PLA2R1: variants seen among roughly 807,000 people sequenced by gnomAD.
The protein encoded by PLA2R1 is phospholipase A2 receptor 1, also known as secretory phospholipase A2 receptor.
A neutral mutation model predicts 195.9 loss-of-function variants in PLA2R1; 158 were observed. The ratio of observed to expected loss-of-function variants is 0.81; its 90% CI spans 0.71 to 0.92. The LOEUF (loss-of-function observed/expected upper bound fraction) is 0.92, where lower values mean the gene tolerates loss of function less well. Among genes scored for constraint, PLA2R1 ranks in the 40% least tolerant of loss-of-function variants. The pLI is 0.00. For missense variants in PLA2R1, 1,626 were observed against 1,764.6 expected (o/e 0.92, Z 1.41); for synonymous variants, 586 against 598.2 (o/e 0.98, Z 0.30).
chr2:159,982,832 G>C (rs896057559), intron 13 of PLA2R1, among the ~76,000 whole-genome samples: 7 of 152,208 alleles, frequency 4.6e-5, no homozygotes, highest in Non-Finnish European at 2.9e-5. Context: ...TCCAGAGCCT[G>C]AAGCAGAGTA....
chr2:159,945,364 A>C, intron 27 of PLA2R1, among the ~76,000 whole-genome samples: 1 of 150,430 alleles, frequency 6.6e-6, no homozygotes. Context: ...CCACCCCACA[A>C]CAGTCCCCAG....
intron 17 of PLA2R1, among the ~76,000 whole-genome samples, chr2:159,970,736 T>C (rs1323754083): frequency 6.6e-6 from 1 of 152,186 alleles, no homozygotes; most frequent in East Asian, 1.9e-4. Flanking sequence ...GACAAAAGAA[T>C]ACTACAGAGT....
intron 7 of PLA2R1, 69 bp downstream of exon 7, chr2:160,022,596 A>G: frequency 2.3e-6 from 2 of 854,508 alleles, no homozygotes; most frequent in Non-Finnish European, 3.5e-6. Context: ...TTTCTTTTCA[A>G]CTCCACTAAT....
intron 23 of PLA2R1, among the ~76,000 whole-genome samples, chr2:159,953,426 A>G (rs1300390174): frequency 1.3e-5 from 2 of 152,280 alleles, no homozygotes; most frequent in Non-Finnish European, 2.9e-5. Flanking sequence ...TGGCTACAAT[A>G]ACTAGTGTAG....
chr2:160,008,185 A>G (rs1692123711), intron 10 of PLA2R1, among the ~76,000 whole-genome samples: 1 of 152,192 alleles, frequency 6.6e-6, no homozygotes, highest in South Asian at 2.1e-4. Context: ...AGATGCCTGT[A>G]GTCCCAGCTA....
At chr2:159,953,604 T>C (rs1687899347) in intron 23 of PLA2R1, among the ~76,000 whole-genome samples, 1 of 152,232 alleles carries the variant, frequency 6.6e-6, no homozygotes, top group African/African-American at 2.4e-5. Context: ...GACTGAAGCT[T>C]ATCTACAAAG....
At chr2:159,982,098 T>C (rs1689994631) in intron 13 of PLA2R1, among the ~76,000 whole-genome samples, 1 of 152,152 alleles carries the variant, frequency 6.6e-6, no homozygotes, top group Non-Finnish European at 1.5e-5. Flanking sequence ...TAAAGCAAAC[T>C]GGGAAGCAGT....
In PLA2R1 at chr2:160,020,206, T is replaced by A. The variant is rs755483262; in HGVS notation, c.1352A>T (p.Glu451Val). 1 of 1,611,662 alleles carries A rather than the reference T, an allele frequency of 6.2e-7. No homozygotes were observed. Among genetic ancestry groups the A allele is most frequent in the Admixed American group, 1.7e-5 (1 of 59,982 alleles). ...LSSNKIPVSF[E>V]WSNDSSVIFT... ...GATGACTGAAGAGTCATTAGACCAT[T>A]CAAAGGAAACTGGAATTTTATTGCT... The change falls in exon 8 of 30, where the codon GAA becomes GTA. Residue 451 changes from glutamate to valine, a missense_variant. By Grantham distance (121) the Glu-to-Val change is moderately radical. Coordinates refer to ENST00000283243, the MANE Select transcript of PLA2R1 (RefSeq NM_007366.5).
intron 11 of PLA2R1, among the ~76,000 whole-genome samples, chr2:159,993,453 T>TACACACACACACAC (rs3063677): frequency 0.023 from 3,396 of 148,264 alleles, 63 homozygotes; most frequent in East Asian, 0.083. Flanking sequence ...GTGTTTAATT[T>TACACACACACACAC]ACACACACAC....
chr2:160,002,987 A>AT (rs1293821678), intron 11 of PLA2R1, among the ~76,000 whole-genome samples: 5 of 151,988 alleles, frequency 3.3e-5, no homozygotes, highest in Admixed American at 6.5e-5. Flanking sequence ...CATTGATTCT[A>AT]TTTTTTCTAT....
intron 26 of PLA2R1, among the ~76,000 whole-genome samples, chr2:159,947,160 A>G (rs190712396): frequency 5.6e-4 from 86 of 152,364 alleles, no homozygotes; most frequent in African/African-American, 1.9e-3. Flanking sequence ...ATGCAAATGC[A>G]TGCAAAAGGA....
chr2:159,930,195 T>C (rs1574618306), downstream of PLA2R1, among the ~76,000 whole-genome samples: 1 of 151,902 alleles, frequency 6.6e-6, no homozygotes, highest in Admixed American at 6.6e-5. Flanking sequence ...GATCACGAGG[T>C]CAGGAGATCG....
At chr2:159,967,721 G>A (rs761120744) in intron 19 of PLA2R1, 43 bp from the exon 20 acceptor site, 10 of 1,572,258 alleles carry the variant, frequency 6.4e-6, no homozygotes, top group Admixed American at 5.3e-5. Flanking sequence ...GAACAATGGC[G>A]ATTCTTTGAA....
intron 11 of PLA2R1, among the ~76,000 whole-genome samples, chr2:159,993,042 C>T (rs555673925): frequency 4.6e-5 from 7 of 152,188 alleles, no homozygotes; most frequent in African/African-American, 1.7e-4. Flanking sequence ...AAAGTGTTTT[C>T]GAATGTCTTA....
chr2:160,061,548 C>T (rs1395823812), intron 1 of PLA2R1, among the ~76,000 whole-genome samples: 2 of 152,006 alleles, frequency 1.3e-5, no homozygotes, highest in African/African-American at 4.8e-5. Flanking sequence ...ACGAGGTGGG[C>T]GGATCACTTG....
intron 28 of PLA2R1, among the ~76,000 whole-genome samples, chr2:159,943,355 G>C (rs1450342665): frequency 2.0e-5 from 3 of 152,118 alleles, no homozygotes; most frequent in African/African-American, 7.2e-5. Context: ...TTTTTATGAA[G>C]ACACTTCTTT....
intron 6 of PLA2R1, among the ~76,000 whole-genome samples, chr2:160,027,790 G>A (rs746598615): frequency 1.6e-4 from 25 of 152,286 alleles, no homozygotes; most frequent in African/African-American, 4.6e-4. Flanking sequence ...TTTCAGGGAG[G>A]AAGGTGTGTT....
intron 20 of PLA2R1, among the ~76,000 whole-genome samples, chr2:159,959,688 T>C (rs1688311517): frequency 6.6e-6 from 1 of 152,170 alleles, no homozygotes; most frequent in African/African-American, 2.4e-5. Flanking sequence ...CCTTTCCCAG[T>C]GTTCCTACTC....
At position 160,007,449 on chromosome 2, in the gene PLA2R1, A is replaced by T. The variant is rs182629234; in HGVS notation, c.1665-1628T>A. ...TGCCACACCCCCATCCTGTGCTTGT[A>T]AAATCCCCCGAGGCCTTAGCTGGAA... On this transcript the variant is annotated intron_variant, in intron 10 of 29. Transcript: ENST00000283243. 1.7e-4 allele frequency among the ~76,000 whole-genome samples: 26 copies of T among 152,328 alleles called. No homozygotes were observed. The East Asian group carries it at 4.6e-3, about 27-fold the overall frequency.
Sources: allele counts gnomAD v4.1 joint callset (sites outside exome capture counted in the v4.1 genomes callset), GRCh38; gene constraint gnomAD v4.1.1; transcripts MANE v1.5; gene names NCBI Gene and HGNC (gene_info 2026-07-23, HGNC 2026-07-21).